TMEM200B: variants seen among roughly 807,000 people sequenced by gnomAD.
TMEM200B encodes transmembrane protein TTMA.
A neutral mutation model predicts 17.6 loss-of-function variants in TMEM200B; 12 were observed. That is an observed-to-expected ratio of 0.68 (90% CI 0.44 to 1.11). The LOEUF is 1.11. Ranked by LOEUF, TMEM200B falls within the 50% of genes least tolerant of loss-of-function variation. The probability of loss-of-function intolerance (pLI) is 0.00; values close to 1 mark genes in which losing one functional copy is unlikely to be tolerated. For missense variants in TMEM200B, 456 were observed against 447.6 expected (o/e 1.02, Z -0.17); for synonymous variants, 234 against 209.2 (o/e 1.12, Z -1.02).
Position 29,120,976 on chromosome 1 carries a change from G to C in TMEM200B, c.853C>G (p.Arg285Gly). 1.2e-6 allele frequency: 2 copies of C among 1,613,670 alleles called. No individual in the cohort carries two copies. Among genetic ancestry groups the C allele is most frequent in the East Asian group, 2.2e-5 (1 of 44,850 alleles). ...CCCCCAAGACTGAGGCGGTCCAGCC[G>C]TGGCCAGCTTCGGTGAGCACAGTCC... The part of the protein sequence containing the change: ...ARDCAHRSWP[R>G]LDRLSLGGYA... Residue 285 changes from arginine (R) to glycine (G), a missense_variant, in exon 2 of 2, where the codon CGG becomes GGG. Coordinates refer to ENST00000521452, the MANE Select transcript of TMEM200B (RefSeq NM_001003682.4).
At chr1:29,122,105 G>A (rs990189226) in intron 1 of TMEM200B, among the ~76,000 whole-genome samples, 7 of 152,302 alleles carry the variant, frequency 4.6e-5, no homozygotes, top group African/African-American at 1.4e-4. Flanking sequence ...GGAGAGGAGG[G>A]AGGGGGGCGC....
At position 29,121,385 on chromosome 1, in the gene TMEM200B, G is replaced by A. The variant is rs1189885697; in HGVS notation, c.444C>T (p.Arg148=). Residue 148 remains arginine (R), a synonymous_variant, in exon 2 of 2, where the codon CGC becomes CGT. Transcript: ENST00000521452. The surrounding 1 kb of genome is among the most constrained non-coding windows in gnomAD (Gnocchi z 5.6). ...ENRDLETRRL[R]QGVLRAQALR... is the part of the protein sequence containing the mutation. ...GCGCCTGGGCCCGCAGCACCCCCTG[G>A]CGGAGCCGTCGCGTCTCCAAGTCTC... is the stretch of plus-strand genomic sequence containing the variant. 8 of 1,547,146 alleles carry A rather than the reference G, an allele frequency of 5.2e-6. No individual in the cohort carries two copies. In the Admixed American group the frequency reaches 5.9e-5, roughly 11 times the overall value.
rs1245026010 is a variant in TMEM200B at position 29,121,575 on chromosome 1, C to T, written c.254G>A (p.Arg85Gln). The T allele has an allele frequency of 4.0e-6, 6 of 1,498,370 alleles. No individual in the cohort carries two copies. The Admixed American group carries it at 6.7e-5, about 17-fold the overall frequency. The allele number at this position is 1,498,370 out of a possible 1,614,324, so 92.8% of individuals were successfully genotyped here. A position where few individuals can be genotyped will look rare whatever the true frequency, so the allele number is the denominator to read the frequency against. Residue 85 changes from arginine (R) to glutamine (Q), a missense_variant, in exon 2 of 2, where the codon CGG becomes CAG. Physicochemically the swap from Arg to Gln is conservative, Grantham distance 43 (BLOSUM62 1). Transcript: ENST00000521452. This position sits in a 1 kb window ranked among gnomAD's most constrained non-coding sequence, Gnocchi z 5.6. The part of the protein sequence containing the change: ...WPHRAGAPGS[R>Q]AANASSPQMS... ...CTGGGGCGAGCTGGCATTGGCGGCC[C>T]GGGACCCTGGGGCCCCGGCCCGGTG...
In TMEM200B at chr1:29,123,903, G is replaced by A. The variant is rs1023135813; in HGVS notation, c.-68C>T. On this transcript the variant is annotated 5_prime_UTR_variant, in exon 1 of 2. Transcript: ENST00000521452. Reference sequence around the variant, plus strand: ...GTCCGGGTCCCAGTCCGCGCGCGGAGGCTCCAGAGCCGCCCGGGTCTCCAC... The same window carrying A: ...GTCCGGGTCCCAGTCCGCGCGCGGAAGCTCCAGAGCCGCCCGGGTCTCCAC... 1 of 152,180 alleles carries A rather than the reference G, an allele frequency of 6.6e-6. No individual in the cohort carries two copies. Among genetic ancestry groups the A allele is most frequent in the Non-Finnish European group, 1.5e-5 (1 of 67,896 alleles). 9.4% of individuals were successfully genotyped at this position (152,180 alleles called of 1,614,324 possible). A position where few individuals can be genotyped will look rare whatever the true frequency, so the allele number is the denominator to read the frequency against.
intron 1 of TMEM200B, among the ~76,000 whole-genome samples, chr1:29,123,610 G>A (rs1009429715): frequency 1.1e-4 from 16 of 152,088 alleles, no homozygotes; most frequent in Non-Finnish European, 1.9e-4. Flanking sequence ...GTGGGCCGAC[G>A]CTGGGGACAC....
In TMEM200B at chr1:29,121,620, G is replaced by A. The variant is rs1671787794; in HGVS notation, c.209C>T (p.Ala70Val). ...CCGGTGCGGCCAGTAGCCGGCCACT[G>A]CAATGCCCATACCCACCAGTACCAC... ...ALVVLVGMGIAVAGYWPHRAG... is the reference protein window; with the variant it reads ...ALVVLVGMGIVVAGYWPHRAG... Residue 70 changes from alanine (A) to valine (V), a missense_variant, in exon 2 of 2, where the codon GCA becomes GTA. By Grantham distance (64) the Ala-to-Val change is moderately conservative. Transcript: ENST00000521452. The surrounding 1 kb of genome is among the most constrained non-coding windows in gnomAD (Gnocchi z 5.6). 6.7e-7 allele frequency: 1 copy of A among 1,496,808 alleles called. No homozygotes were observed. The highest frequency in any genetic ancestry group is 8.8e-7 in the Non-Finnish European group (1 of 1,133,300). 92.7% of individuals were successfully genotyped at this position (1,496,808 alleles called of 1,614,324 possible).
rs1308643612 is a variant in TMEM200B, at chr1:29,121,461, C to G, written c.368G>C (p.Gly123Ala). 2 of 1,532,888 alleles carry G rather than the reference C, an allele frequency of 1.3e-6. No homozygotes were observed. Among genetic ancestry groups the G allele is most frequent in the African/African-American group, 2.7e-5 (2 of 72,872 alleles). 95.0% of individuals were successfully genotyped at this position (1,532,888 alleles called of 1,614,324 possible). The change falls in exon 2 of 2, where the codon GGC becomes GCC. Residue 123 changes from glycine (G) to alanine (A), a missense_variant. Coordinates refer to ENST00000521452, the MANE Select transcript of TMEM200B (RefSeq NM_001003682.4). The surrounding 1 kb of genome is among the most constrained non-coding windows in gnomAD (Gnocchi z 5.6). ...GCAGATGAACACGAACAGGCCGACG[C>G]CCATGATCACCGGCCCGAGGAGCCG... ...RLRLLGPVIMGVGLFVFICAN... is the reference protein window; with the variant it reads ...RLRLLGPVIMAVGLFVFICAN...
Position 29,121,687 on chromosome 1 carries a change from G to GCCGCAGCCGCGC in TMEM200B, c.130_141dup (p.Ala44_Arg47dup). 2 of 1,323,762 alleles carry GCCGCAGCCGCGC rather than the reference G, an allele frequency of 1.5e-6. No individual in the cohort carries two copies. Among genetic ancestry groups the GCCGCAGCCGCGC allele is most frequent in the Non-Finnish European group, 9.6e-7 (1 of 1,039,492 alleles). The allele number at this position is 1,323,762 out of a possible 1,614,324, so 82.0% of individuals were successfully genotyped here. A position where few individuals can be genotyped will look rare whatever the true frequency, so the allele number is the denominator to read the frequency against. Reference sequence around the variant, plus strand: ...GCGAACGCCCCCGACGGCGAGCGCAGCCGCAGCCGCGCCCGCACCCGCAGA... The same window carrying GCCGCAGCCGCGC: ...GCGAACGCCCCCGACGGCGAGCGCAGCCGCAGCCGCGCCCGCAGCCGCGCCCGCACCCGCAGA... On this transcript the variant is annotated inframe_insertion, in exon 2 of 2. Transcript: ENST00000521452. The surrounding 1 kb of genome is among the most constrained non-coding windows in gnomAD (Gnocchi z 5.6).
chr1:29,120,472 T>A lies in TMEM200B; in HGVS notation c.*433A>T, dbSNP rs1287677079. 6 of 181,010 alleles carry A rather than the reference T, an allele frequency of 3.3e-5. No homozygotes were observed. The East Asian group carries it at 8.7e-4, about 26-fold the overall frequency. The allele number at this position is 181,010 out of a possible 1,614,324, so 11.2% of individuals were successfully genotyped here. ...GTCCATCTTCCCAGAGGCCCCACACTCCATCACCAGTGCCGCCTTGGAGGG... is the reference window on the plus strand; with the variant it reads ...GTCCATCTTCCCAGAGGCCCCACACACCATCACCAGTGCCGCCTTGGAGGG... On this transcript the variant is annotated 3_prime_UTR_variant, in exon 2 of 2. Transcript: ENST00000521452.
At position 29,121,042 on chromosome 1, in the gene TMEM200B, G is replaced by T; in HGVS notation, c.787C>A (p.Leu263Met). 2 of 1,613,828 alleles carry T rather than the reference G, an allele frequency of 1.2e-6. No homozygotes were observed. Among genetic ancestry groups the T allele is most frequent in the Non-Finnish European group, 1.7e-6 (2 of 1,180,040 alleles). The change falls in exon 2 of 2, where the codon CTG becomes ATG. Residue 263 changes from leucine (L) to methionine (M), a missense_variant. By Grantham distance (15) the Leu-to-Met change is conservative. Coordinates refer to ENST00000521452, the MANE Select transcript of TMEM200B (RefSeq NM_001003682.4). This position sits in a 1 kb window ranked among gnomAD's most constrained non-coding sequence, Gnocchi z 5.6. The stretch of plus-strand genomic sequence containing the variant: ...CCAAGGAGGAGCTCCCCAAGGCCCA[G>T]ATCCAGAGACTTGGAATGTTCAATG... ...SCIEHSKSLD[L>M]GLGELLLGAP...
Position 29,120,829 on chromosome 1 carries a change from C to T in TMEM200B, c.*76G>A. ...GGATGTGACTGAAACATCTATTAGA[C>T]GTTGGGACTCCTGGTCCTTTGGTCC... On this transcript the variant is annotated 3_prime_UTR_variant, in exon 2 of 2. Transcript: ENST00000521452. 7.0e-7 allele frequency: 1 copy of T among 1,431,870 alleles called. No homozygotes were observed. The highest frequency in any genetic ancestry group is 9.3e-7 in the Non-Finnish European group (1 of 1,077,462). 88.7% of individuals were successfully genotyped at this position (1,431,870 alleles called of 1,614,324 possible).
rs772021856 is a variant in TMEM200B, at chr1:29,121,734, C to G, written c.95G>C (p.Arg32Pro). Reference sequence around the variant, plus strand: ...CAGAGGCTCGGGCGGGGAGCGCGGGCGCCGGCGGCGGCCCAGGCGGCGGCC... The same window carrying G: ...CAGAGGCTCGGGCGGGGAGCGCGGGGGCCGGCGGCGGCCCAGGCGGCGGCC... The part of the protein sequence containing the change: ...RLGRRLGRRR[R>P]PRSPPEPLRV... The change falls in exon 2 of 2, where the codon CGC (arginine) becomes CCC (proline). Residue 32 changes from arginine (R) to proline (P), a missense_variant. Transcript: ENST00000521452. The surrounding 1 kb of genome is among the most constrained non-coding windows in gnomAD (Gnocchi z 5.6). 4.1e-6 allele frequency: 5 copies of G among 1,206,496 alleles called. No homozygotes were observed. In the East Asian group the frequency reaches 1.7e-4, roughly 41 times the overall value. 74.7% of individuals were successfully genotyped at this position (1,206,496 alleles called of 1,614,324 possible).
rs1204761262 is a variant in TMEM200B at position 29,121,953 on chromosome 1, C to T, written c.-20-105G>A. ...GGAGGGAAGCTCCGGCCGCCCAGCC[C>T]AGGCCGCTTGGAGATCCCTGGCGGC... On this transcript the variant is annotated intron_variant, in intron 1 of 1. Transcript: ENST00000521452. This position sits in a 1 kb window ranked among gnomAD's most constrained non-coding sequence, Gnocchi z 5.6. 1 of 928,498 alleles carries T rather than the reference C, an allele frequency of 1.1e-6. No individual in the cohort carries two copies. The highest frequency in any genetic ancestry group is 4.8e-5 in the East Asian group (1 of 20,638). 57.5% of individuals were successfully genotyped at this position (928,498 alleles called of 1,614,324 possible).
chr1:29,123,736 C>A (rs1182138958), intron 1 of TMEM200B, 120 bp downstream of exon 1: 3 of 140,518 alleles, frequency 2.1e-5, no homozygotes, highest in Admixed American at 2.1e-4. Flanking sequence ...CCTGGGGGAA[C>A]GGGAGGGCCG....
In TMEM200B at chr1:29,121,747, CCAGGCGGCG is replaced by C. The variant is rs1279142341; in HGVS notation, c.73_81del (p.Arg25_Leu27del). 2.5e-6 allele frequency: 3 copies of C among 1,211,752 alleles called. No homozygotes were observed. Among genetic ancestry groups the C allele is most frequent in the Non-Finnish European group, 3.1e-6 (3 of 975,024 alleles). 75.1% of individuals were successfully genotyped at this position (1,211,752 alleles called of 1,614,324 possible). The stretch of plus-strand genomic sequence containing the variant: ...GGGGAGCGCGGGCGCCGGCGGCGGC[CCAGGCGGCG>C]GCCCAAGCGAGAGACGCGGCCCTCG... On this transcript the variant is annotated inframe_deletion, in exon 2 of 2. Transcript: ENST00000521452. This position sits in a 1 kb window ranked among gnomAD's most constrained non-coding sequence, Gnocchi z 5.6.
chr1:29,121,251 G>C lies in TMEM200B; in HGVS notation c.578C>G (p.Pro193Arg). The C allele has an allele frequency of 1.9e-6, 3 of 1,612,538 alleles. No homozygotes were observed. Among genetic ancestry groups the C allele is most frequent in the Non-Finnish European group, 2.5e-6 (3 of 1,179,800 alleles). Reference sequence around the variant, plus strand: ...CGGGACGGGTGAAGTACCCCGACGCGGGGACGGGTCCCAGATTTCTGGCTC... The same window carrying C: ...CGGGACGGGTGAAGTACCCCGACGCCGGGACGGGTCCCAGATTTCTGGCTC... Reference protein sequence around the residue: ...CAEPEIWDPSPRRGTSPVPSV... With the variant: ...CAEPEIWDPSRRRGTSPVPSV... Residue 193 changes from proline to arginine, a missense_variant, in exon 2 of 2, where the codon CCG becomes CGG. Physicochemically the swap from Pro to Arg is moderately radical, Grantham distance 103. Transcript: ENST00000521452. This position sits in a 1 kb window ranked among gnomAD's most constrained non-coding sequence, Gnocchi z 5.6.
chr1:29,123,879 T>G lies in TMEM200B; in HGVS notation c.-44A>C, dbSNP rs1293879692. ...ACCTGGCGCCGCAGCGCCGCGCGGGTCCGGGTCCCAGTCCGCGCGCGGAGG... is the reference window on the plus strand; with the variant it reads ...ACCTGGCGCCGCAGCGCCGCGCGGGGCCGGGTCCCAGTCCGCGCGCGGAGG... On this transcript the variant is annotated 5_prime_UTR_variant, in exon 1 of 2. Coordinates refer to ENST00000521452, the MANE Select transcript of TMEM200B (RefSeq NM_001003682.4). The G allele has an allele frequency of 6.6e-6, 1 of 151,642 alleles. No homozygotes were observed. Among genetic ancestry groups the G allele is most frequent in the African/African-American group, 2.4e-5 (1 of 41,202 alleles). 9.4% of individuals were successfully genotyped at this position (151,642 alleles called of 1,614,324 possible).
rs1426457862 is a variant in TMEM200B at position 29,119,512 on chromosome 1, C to T, written c.*1393G>A. On this transcript the variant is annotated 3_prime_UTR_variant, in exon 2 of 2. Coordinates refer to ENST00000521452, the MANE Select transcript of TMEM200B (RefSeq NM_001003682.4). ...AGGACTCTGGCACCCACCCACAAAG[C>T]AAGACCTGTATTTATAAGCCGAGGG... 1 of 152,274 alleles carries T rather than the reference C, an allele frequency of 6.6e-6. No individual in the cohort carries two copies. The highest frequency in any genetic ancestry group is 1.9e-4 in the East Asian group (1 of 5,200). The allele number at this position is 152,274 out of a possible 1,614,324, so 9.4% of individuals were successfully genotyped here. A position where few individuals can be genotyped will look rare whatever the true frequency, so the allele number is the denominator to read the frequency against.
Position 29,120,179 on chromosome 1 carries a change from A to G in TMEM200B, c.*726T>C, listed in dbSNP as rs1045333393. On this transcript the variant is annotated 3_prime_UTR_variant, in exon 2 of 2. Transcript: ENST00000521452. ...CCCACATTGACCAAAATGCAGCTTC[A>G]ACGTTGAGTAAAGGGATTTCTGAGA... The G allele has an allele frequency of 2.6e-5, 4 of 152,612 alleles. No individual in the cohort carries two copies. Among genetic ancestry groups the G allele is most frequent in the Non-Finnish European group, 5.9e-5 (4 of 68,048 alleles). The allele number at this position is 152,612 out of a possible 1,614,324, so 9.5% of individuals were successfully genotyped here. A position where few individuals can be genotyped will look rare whatever the true frequency, so the allele number is the denominator to read the frequency against.
Sources: allele counts gnomAD v4.1 joint callset (sites outside exome capture counted in the v4.1 genomes callset), GRCh38; gene constraint gnomAD v4.1.1; non-coding constraint Gnocchi (gnomAD v3.1); transcripts MANE v1.5; gene names NCBI Gene and HGNC (gene_info 2026-07-23, HGNC 2026-07-21).